The following DHX35 variants were observed in gnomAD, a reference collection of about 807,000 sequenced individuals.
DHX35 encodes the protein probable ATP-dependent RNA helicase DHX35.
In DHX35, 84 loss-of-function variants were observed where a neutral mutation model predicts 99.6. The observed-to-expected ratio is 0.84, with a 90% confidence interval of 0.71 to 1.01. The LOEUF is 1.01. Ranked by LOEUF, DHX35 falls within the 50% of genes least tolerant of loss-of-function variation. The pLI is 0.00. For synonymous variants in DHX35, 331 were observed against 316.2 expected, an observed-to-expected ratio of 1.05 and a Z score of -0.50; for missense variants, 852 against 888.5, an observed-to-expected ratio of 0.96 and a Z score of 0.52.
rs1600469167 is a variant in DHX35 at position 39,038,824 on chromosome 20, A to C, written c.*281A>C. 6.0e-6 allele frequency: 3 copies of C among 501,172 alleles called. No homozygotes were observed. The allele number at this position is 501,172 out of a possible 1,614,324, so 31.0% of individuals were successfully genotyped here. On this transcript the variant is annotated 3_prime_UTR_variant, in exon 22 of 22. Transcript: ENST00000252011. ...AGCACGCTCACTAACCCAGCATGCC[A>C]CTTCCAGCAGGCATGCAGTCCTGGC...
chr20:39,001,958 T>A, intron 9 of DHX35, 116 bp downstream of exon 9: 1 of 850,100 alleles, frequency 1.2e-6, no homozygotes, highest in Non-Finnish European at 2.0e-6. Context: ...ATGTTTTGTG[T>A]CCCTAGTCAT....
intron 1 of DHX35, among the ~76,000 whole-genome samples, chr20:38,963,176 G>A (rs1275480223): frequency 6.6e-6 from 1 of 152,148 alleles, no homozygotes; most frequent in Non-Finnish European, 1.5e-5. Flanking sequence ...TTTACTGAAT[G>A]TGCATATGCC....
rs1484874234 is a variant in DHX35 at position 39,025,270 on chromosome 20, A to G, written c.1712A>G (p.Asn571Ser). 8 of 1,613,456 alleles carry G rather than the reference A, an allele frequency of 5.0e-6. No individual in the cohort carries two copies. Among genetic ancestry groups the G allele is most frequent in the Admixed American group, 1.7e-5 (1 of 59,908 alleles). ...AAATGGTGTCAGGAACATTTCCTGAATTACAAGGGTCTTGTCAGAGCTGCG... is the reference window on the plus strand; with the variant it reads ...AAATGGTGTCAGGAACATTTCCTGAGTTACAAGGGTCTTGTCAGAGCTGCG... ...DSKWCQEHFL[N>S]YKGLVRAATV... The change falls in exon 18 of 22, where the codon AAT (asparagine) becomes AGT (serine). Residue 571 changes from asparagine to serine, a missense_variant. Asn to Ser is a conservative substitution (Grantham distance 46). Coordinates refer to ENST00000252011, the MANE Select transcript of DHX35 (RefSeq NM_021931.4).
intron 1 of DHX35, among the ~76,000 whole-genome samples, chr20:38,966,681 T>C (rs1460767859): frequency 6.6e-6 from 1 of 152,026 alleles, no homozygotes; most frequent in African/African-American, 2.4e-5. Flanking sequence ...CAAAAGCTGA[T>C]AATAGAAGAG....
chr20:39,016,958 T>A (rs1278621690), intron 14 of DHX35, among the ~76,000 whole-genome samples: 2 of 151,854 alleles, frequency 1.3e-5, no homozygotes, highest in African/African-American at 2.4e-5. Context: ...TAAATATTTC[T>A]CCCATTTTTG....
At chr20:39,029,779 A>G (rs1335910041) in intron 19 of DHX35, 1 of 152,126 alleles carries the variant, frequency 6.6e-6, no homozygotes, top group African/African-American at 2.4e-5. Context: ...CAGGCTAATC[A>G]TTCCTTTGAG....
intron 13 of DHX35, among the ~76,000 whole-genome samples, chr20:39,012,979 C>T (rs2086727920): frequency 6.6e-6 from 1 of 152,150 alleles, no homozygotes; most frequent in Non-Finnish European, 1.5e-5. Context: ...GTAGAAATGT[C>T]TGCTATTTCT....
chr20:39,002,911 A>G (rs2086545139), intron 10 of DHX35, 43 bp downstream of exon 10: 1 of 1,503,044 alleles, frequency 6.7e-7, no homozygotes, highest in Non-Finnish European at 9.2e-7. Flanking sequence ...ATGTTAAGAC[A>G]GCACCAAAAG....
chr20:39,005,328 C>A (rs79594794), intron 11 of DHX35, among the ~76,000 whole-genome samples: 3,081 of 152,212 alleles, frequency 0.02, 111 homozygotes, highest in African/African-American at 0.07. Context: ...CCCTCTGCAA[C>A]CTCATCTTGT....
At chr20:39,003,599 C>G (rs2086559919) in intron 10 of DHX35, 150 bp from the exon 11 acceptor site, 1 of 843,402 alleles carries the variant, frequency 1.2e-6, no homozygotes, top group Non-Finnish European at 1.8e-6. Flanking sequence ...TAATTAAATA[C>G]CATCCCAGAG....
intron 10 of DHX35, 132 bp from the exon 11 acceptor site, chr20:39,003,617 T>C: frequency 1.0e-6 from 1 of 1,002,578 alleles, no homozygotes; most frequent in Non-Finnish European, 1.5e-6. Context: ...GAGTGGAACA[T>C]GACGGCACTG....
At chr20:39,003,635 T>C in intron 10 of DHX35, 114 bp from the exon 11 acceptor site, 1 of 1,275,940 alleles carries the variant, frequency 7.8e-7, no homozygotes, top group African/African-American at 1.5e-5. Context: ...CTGAAATTCT[T>C]GAATCTGACC....
intron 2 of DHX35, among the ~76,000 whole-genome samples, chr20:38,971,915 C>A (rs959981789): frequency 1.3e-5 from 2 of 150,978 alleles, no homozygotes; most frequent in Non-Finnish European, 2.9e-5. Flanking sequence ...ATAAACAACT[C>A]TGCAATGAGT....
chr20:39,028,574 G>GC (rs2086995161), intron 19 of DHX35, 75 bp downstream of exon 19: 1 of 1,473,118 alleles, frequency 6.8e-7, no homozygotes, highest in Non-Finnish European at 9.5e-7. Context: ...AGAAAGCTGT[G>GC]CAGAGATAGT....
At chr20:38,985,121 G>A (rs963517828) in intron 4 of DHX35, among the ~76,000 whole-genome samples, 1 of 152,080 alleles carries the variant, frequency 6.6e-6, no homozygotes, top group Non-Finnish European at 1.5e-5. Context: ...GGTGGCTAAT[G>A]CCTGTATTCC....
chr20:39,037,833 A>G (rs938871632), intron 21 of DHX35, among the ~76,000 whole-genome samples: 3 of 152,200 alleles, frequency 2.0e-5, no homozygotes, highest in African/African-American at 7.2e-5. Context: ...GAATGTAAAA[A>G]ATACTTCATT....
chr20:38,990,102 A>G (rs1055874179), intron 5 of DHX35, among the ~76,000 whole-genome samples: 11 of 152,202 alleles, frequency 7.2e-5, no homozygotes, highest in South Asian at 4.1e-4. Flanking sequence ...ATATATTTGA[A>G]CTAGCTAATT....
chr20:38,991,542 T>C, intron 6 of DHX35, 27 bp downstream of exon 6: 1 of 1,605,286 alleles, frequency 6.2e-7, no homozygotes. Context: ...TATGATAGCT[T>C]TCCTAGTTTC....
rs554677724 is a variant in DHX35 at position 39,034,807 on chromosome 20, A to G, written c.2067+490A>G. 2.7e-5 allele frequency among the ~76,000 whole-genome samples: 4 copies of G among 149,536 alleles called. No homozygotes were observed. The South Asian group carries it at 8.5e-4, about 32-fold the overall frequency. On this transcript the variant is annotated intron_variant, in intron 21 of 21. Coordinates refer to ENST00000252011, the MANE Select transcript of DHX35 (RefSeq NM_021931.4). The stretch of plus-strand genomic sequence containing the variant: ...TTTTTTTGTATTTTTAATAGAGACA[A>G]CGGTTTCACCATGTTGGCCAGGCTG...
Sources: gnomAD v4.1 joint callset for allele counts (sites outside exome capture counted in the v4.1 genomes callset) on GRCh38, gnomAD v4.1.1 for gene constraint, MANE v1.5 for transcripts, NCBI Gene and HGNC (gene_info 2026-07-23, HGNC 2026-07-21) for gene names.